Variants in MPZL1 observed in about 807,000 individuals in gnomAD.
MPZL1 encodes myelin protein zero-like protein 1.
A neutral mutation model predicts 29.3 loss-of-function variants in MPZL1; 16 were observed. That is an observed-to-expected ratio of 0.55 (90% CI 0.37 to 0.83). The LOEUF (loss-of-function observed/expected upper bound fraction) is 0.83, where lower values mean the gene tolerates loss of function less well. MPZL1 is among the 40% of genes least tolerant of loss of function. The pLI, the probability that MPZL1 is intolerant of heterozygous loss-of-function variation, is 0.00. For synonymous variants in MPZL1, 143 were observed against 132.0 expected (o/e 1.08, Z -0.57); for missense variants, 279 against 332.9 (o/e 0.84, Z 1.26).
rs115939528 is a variant in MPZL1 at position 167,755,006 on chromosome 1, C to G, written c.92-10577C>G. Among the ~76,000 whole-genome samples, 923 of 152,252 alleles carry G rather than the reference C, an allele frequency of 6.1e-3. 8 individuals carry two copies. The highest frequency in any genetic ancestry group is 0.021 in the African/African-American group (871 of 41,550). On this transcript the variant is annotated intron_variant, in intron 1 of 5. Transcript: ENST00000359523. ...TGATACATTGTTACAGTTGGTGAAC[C>G]TACAGTAACACATCATTATCACCCA...
At chr1:167,781,315 A>T (rs1380782347) in intron 5 of MPZL1, among the ~76,000 whole-genome samples, 3 of 152,180 alleles carry the variant, frequency 2.0e-5, no homozygotes, top group African/African-American at 7.2e-5. Flanking sequence ...TTTTAAGTAC[A>T]CATGAAAATT....
intron 2 of MPZL1, 22 bp from the exon 3 acceptor site, chr1:167,772,253 T>G: frequency 5.1e-6 from 8 of 1,569,364 alleles, no homozygotes; most frequent in Non-Finnish European, 7.0e-6. Context: ...ATAGTTCATG[T>G]GTTCCTTTTT....
At chr1:167,748,076 G>A (rs1482662954) in intron 1 of MPZL1, among the ~76,000 whole-genome samples, 2 of 151,892 alleles carry the variant, frequency 1.3e-5, no homozygotes, top group Non-Finnish European at 2.9e-5. Context: ...TCTTTTTATA[G>A]CCATAATATT....
rs1193122550 is a variant in MPZL1 at position 167,776,052 on chromosome 1, C to A, written c.606-12C>A. On this transcript the variant is annotated splice_polypyrimidine_tract_variant and intron_variant, in intron 4 of 5. Transcript: ENST00000359523. ...TTTTTTACATTTGTTCTTCAAATTG[C>A]CAATTCATCAGCTGCAGTACATCAG... is the stretch of plus-strand genomic sequence containing the variant. 6.5e-7 allele frequency: 1 copy of A among 1,548,114 alleles called. No individual in the cohort carries two copies.
In MPZL1 at chr1:167,725,857, C is replaced by T. The variant is rs574793110; in HGVS notation, c.91+3615C>T. ...TCTGGAACTCCTGACCTCAAGTGACCGGCCTGCCTCAGCCTCCCAAAGTGC... is the reference window on the plus strand; with the variant it reads ...TCTGGAACTCCTGACCTCAAGTGACTGGCCTGCCTCAGCCTCCCAAAGTGC... On this transcript the variant is annotated intron_variant, in intron 1 of 5. Coordinates refer to ENST00000359523, the MANE Select transcript of MPZL1 (RefSeq NM_003953.6). 8.6e-5 allele frequency among the ~76,000 whole-genome samples: 13 copies of T among 152,012 alleles called. 1 individual carries two copies. In the South Asian group the frequency reaches 2.5e-3, roughly 29 times the overall value.
intron 1 of MPZL1, among the ~76,000 whole-genome samples, chr1:167,736,025 T>A (rs1571137439): frequency 6.6e-6 from 1 of 152,222 alleles, no homozygotes; most frequent in African/African-American, 2.4e-5. Flanking sequence ...ATAAAGGCCA[T>A]CTGATATTAC....
At chr1:167,755,344 C>G (rs1157823740) in intron 1 of MPZL1, among the ~76,000 whole-genome samples, 1 of 152,152 alleles carries the variant, frequency 6.6e-6, no homozygotes, top group African/African-American at 2.4e-5. Context: ...TTCAAACATA[C>G]TATAAACCTG....
At chr1:167,752,090 T>G (rs932208768) in intron 1 of MPZL1, among the ~76,000 whole-genome samples, 7 of 152,224 alleles carry the variant, frequency 4.6e-5, no homozygotes, top group African/African-American at 1.7e-4. Flanking sequence ...ATCTTAAAAC[T>G]TTTCCTCTAT....
intron 1 of MPZL1, among the ~76,000 whole-genome samples, chr1:167,739,493 G>T (rs1031074747): frequency 2.0e-5 from 3 of 151,456 alleles, no homozygotes; most frequent in African/African-American, 7.3e-5. Context: ...TTAAGTAGAA[G>T]AGCTTTTGAA....
At chr1:167,738,491 A>T (rs1466482364) in intron 1 of MPZL1, among the ~76,000 whole-genome samples, 2 of 152,154 alleles carry the variant, frequency 1.3e-5, no homozygotes, top group Non-Finnish European at 2.9e-5. Flanking sequence ...TTATAGCTGG[A>T]AATATATTGA....
chr1:167,745,535 T>G (rs1415403293), intron 1 of MPZL1, among the ~76,000 whole-genome samples: 1 of 152,098 alleles, frequency 6.6e-6, no homozygotes, highest in Non-Finnish European at 1.5e-5. Flanking sequence ...ATTGATTGCC[T>G]GGGTCACTAT....
At chr1:167,784,905 C>G (rs1009974918) in intron 5 of MPZL1, among the ~76,000 whole-genome samples, 1 of 152,218 alleles carries the variant, frequency 6.6e-6, no homozygotes, top group African/African-American at 2.4e-5. Context: ...CATTTACTTT[C>G]ATGAGATAGT....
chr1:167,771,439 A>T (rs1661245459), intron 2 of MPZL1, among the ~76,000 whole-genome samples: 1 of 151,898 alleles, frequency 6.6e-6, no homozygotes, highest in African/African-American at 2.4e-5. Flanking sequence ...TCTTTTCCCC[A>T]CATTTCCCCC....
Position 167,765,760 on chromosome 1 carries a change from T to C in MPZL1, c.258+11T>C, listed in dbSNP as rs1415135196. ...GACACTACTGTGTCGGTAAGAATGC[T>C]TGACTTCTCTTGGCTAGTCCTGCCT... On this transcript the variant is annotated intron_variant, in intron 2 of 5. Coordinates refer to ENST00000359523, the MANE Select transcript of MPZL1 (RefSeq NM_003953.6). 8 of 1,585,618 alleles carry C rather than the reference T, an allele frequency of 5.0e-6. No homozygotes were observed. The highest frequency in any genetic ancestry group is 3.7e-5 in the Admixed American group (2 of 54,380).
intron 1 of MPZL1, among the ~76,000 whole-genome samples, chr1:167,741,733 T>G (rs796365378): frequency 6.0e-4 from 91 of 152,226 alleles, no homozygotes; most frequent in African/African-American, 2.0e-3. Flanking sequence ...ATTTTGTTGT[T>G]TAAAACCCTT....
chr1:167,742,577 A>C (rs2101759716), intron 1 of MPZL1, among the ~76,000 whole-genome samples: 1 of 152,074 alleles, frequency 6.6e-6, no homozygotes, highest in Admixed American at 6.6e-5. Context: ...ATTTTCTCTC[A>C]CTCTGTGGGT....
chr1:167,728,828 A>G (rs1178015231), intron 1 of MPZL1, among the ~76,000 whole-genome samples: 1 of 152,186 alleles, frequency 6.6e-6, no homozygotes, highest in Non-Finnish European at 1.5e-5. Context: ...GCCCCATAGA[A>G]TGAAATCTAT....
chr1:167,771,279 A>T (rs1661242209), intron 2 of MPZL1, among the ~76,000 whole-genome samples: 1 of 152,236 alleles, frequency 6.6e-6, no homozygotes, highest in African/African-American at 2.4e-5. Context: ...GAGTTGACAC[A>T]GCACATGTTT....
At chr1:167,753,195 C>T (rs1388150766) in intron 1 of MPZL1, among the ~76,000 whole-genome samples, 1 of 152,128 alleles carries the variant, frequency 6.6e-6, no homozygotes, top group African/African-American at 2.4e-5. Context: ...AGAGGTGGGC[C>T]TTGTTCCAAG....
Sources: gnomAD v4.1 joint callset for allele counts (sites outside exome capture counted in the v4.1 genomes callset) on GRCh38, gnomAD v4.1.1 for gene constraint, MANE v1.5 for transcripts, NCBI Gene and HGNC (gene_info 2026-07-23, HGNC 2026-07-21) for gene names.